KIAA1210: variants seen among roughly 807,000 people sequenced by gnomAD.
KIAA1210 encodes acrosomal protein KIAA1210.
A neutral mutation model predicts 78.9 loss-of-function variants in KIAA1210; 48 were observed. That is an observed-to-expected ratio of 0.61 (90% CI 0.48 to 0.77). The LOEUF is 0.77. Among genes scored for constraint, KIAA1210 ranks in the 30% least tolerant of loss-of-function variants. KIAA1210 has a pLI of 0.00. For missense variants in KIAA1210, 1,108 were observed against 1,100.0 expected (o/e 1.01, Z -0.10); for synonymous variants, 406 against 404.5 (o/e 1.00, Z -0.04).
intron 2 of KIAA1210, among the ~76,000 whole-genome samples, chrX:119,120,522 T>A (rs938349011): frequency 3.6e-5 from 4 of 112,095 alleles, no homozygotes; most frequent in Non-Finnish European, 7.5e-5. Flanking sequence ...TAATAATGAA[T>A]TCAACAAACA....
At chrX:119,119,868 C>T (rs1343471938) in intron 2 of KIAA1210, among the ~76,000 whole-genome samples, 2 of 106,986 alleles carry the variant, frequency 1.9e-5, no homozygotes, top group African/African-American at 6.9e-5. Context: ...CCCAGCTACT[C>T]GGGAGGCTGA....
intron 2 of KIAA1210, among the ~76,000 whole-genome samples, chrX:119,121,774 A>ATT (rs779380576): frequency 1.6e-4 from 17 of 105,361 alleles, no homozygotes; most frequent in Middle Eastern, 9.8e-3. Context: ...TTTATTTATT[A>ATT]TTTTTTTTTT....
At chrX:119,098,345 C>T (rs759306157) in intron 6 of KIAA1210, among the ~76,000 whole-genome samples, 1 of 112,014 alleles carries the variant, frequency 8.9e-6, no homozygotes. Flanking sequence ...GGGCTCACGC[C>T]TGTAATCTCA....
At position 119,079,586 on chromosome X, in the gene KIAA1210, GTTA is replaced by G. The variant is rs1926876519; in HGVS notation, c.*1740_*1742del. 8.9e-6 allele frequency: 1 copy of G among 111,994 alleles called. No individual in the cohort carries two copies. The highest frequency in any genetic ancestry group is 3.8e-4 in the South Asian group (1 of 2,653). The allele number at this position is 111,994 out of a possible 1,213,427, so 9.2% of individuals were successfully genotyped here. ...CTACATCTTCATCCTCAGCCGAGGA[GTTA>G]TTAATGGAGGCTGTGCTACAAAAGA... On this transcript the variant is annotated 3_prime_UTR_variant, in exon 12 of 12. Coordinates refer to ENST00000691062, the MANE Select transcript of KIAA1210 (RefSeq NM_001394962.1).
rs191657914 is a variant in KIAA1210, at chrX:119,104,135, T to G, written c.648+857A>C. Among the ~76,000 whole-genome samples the G allele has an allele frequency of 1.7e-3, 186 of 112,391 alleles. 1 individual carries two copies. Among genetic ancestry groups the G allele is most frequent in the Middle Eastern group, 0.014 (3 of 218 alleles). ...CTGTATTTTACTACAATAAAAAATG[T>G]TATCTAATTCAATCCTTCCACTAGT... is the stretch of plus-strand genomic sequence containing the variant. On this transcript the variant is annotated intron_variant, in intron 6 of 11. Coordinates refer to ENST00000691062, the MANE Select transcript of KIAA1210 (RefSeq NM_001394962.1).
chrX:119,129,564 C>T (rs185116987), upstream of KIAA1210, among the ~76,000 whole-genome samples: 1 of 111,276 alleles, frequency 9.0e-6, no homozygotes, highest in Non-Finnish European at 1.9e-5. Context: ...GCATGCTATA[C>T]GGGGCAGAGG....
At chrX:119,146,483 A>G (rs973372188) in intron 2 of KIAA1210, among the ~76,000 whole-genome samples, 8 of 112,485 alleles carry the variant, frequency 7.1e-5, no homozygotes, top group African/African-American at 2.3e-4. Flanking sequence ...GCTGCTAAAG[A>G]CCAAATGAAA....
intron 6 of KIAA1210, among the ~76,000 whole-genome samples, chrX:119,097,151 A>T (rs1286071233): frequency 1.8e-5 from 2 of 111,643 alleles, no homozygotes; most frequent in Non-Finnish European, 3.8e-5. Flanking sequence ...AGGTTGGAAG[A>T]GGGCCTGTCT....
At chrX:119,118,568 T>C (rs1297671128) in intron 2 of KIAA1210, among the ~76,000 whole-genome samples, 1 of 112,379 alleles carries the variant, frequency 8.9e-6, no homozygotes, top group Non-Finnish European at 1.9e-5. Context: ...TGAGAAATGC[T>C]GAACTAGAGT....
intron 1 of KIAA1210, among the ~76,000 whole-genome samples, chrX:119,149,907 C>T (rs752326570): frequency 9.0e-6 from 1 of 111,252 alleles, no homozygotes; most frequent in Non-Finnish European, 1.9e-5. Flanking sequence ...CTTCTTGGCC[C>T]CAGTCCCCCA....
intron 10 of KIAA1210, among the ~76,000 whole-genome samples, chrX:119,084,546 C>A (rs933195757): frequency 9.0e-6 from 1 of 110,543 alleles, no homozygotes; most frequent in African/African-American, 3.3e-5. Context: ...CCAGTGATTA[C>A]CTTTAGGTAT....
intron 10 of KIAA1210, among the ~76,000 whole-genome samples, chrX:119,084,023 AAAAAGCTTTAAT>A: frequency 9.5e-6 from 1 of 105,778 alleles, no homozygotes; most frequent in Admixed American, 1.0e-4. Flanking sequence ...AAAAAAAAAA[AAAAAGCTTTAAT>A]AAAGGTGGGC....
At chrX:119,150,394 G>A (rs373840807) in exon 1 of KIAA1210, 174 of 1,209,376 alleles carry the variant, frequency 1.4e-4, no homozygotes, top group Non-Finnish European at 1.9e-4. Flanking sequence ...GCTCCCCCTT[G>A]GTGCTTCCCT....
chrX:119,112,358 T>C (rs1350065049), intron 3 of KIAA1210, among the ~76,000 whole-genome samples: 1 of 111,712 alleles, frequency 9.0e-6, no homozygotes, highest in Non-Finnish European at 1.9e-5. Context: ...GCAAATTATA[T>C]ATCTGATAAG....
In KIAA1210 at chrX:119,092,490, A is replaced by G. The variant is rs761650489; in HGVS notation, c.955+1177T>C. On this transcript the variant is annotated intron_variant, in intron 8 of 11. Transcript: ENST00000691062. ...AAAATAAAGCTCAAAGGCTGGGTGC[A>G]GTGGCTCACGCCTGCAATCCCAGCA... is the stretch of plus-strand genomic sequence containing the variant. Among the ~76,000 whole-genome samples the G allele has an allele frequency of 6.9e-4, 77 of 112,276 alleles. No individual in the cohort carries two copies. The South Asian group carries it at 0.018, about 26-fold the overall frequency.
chrX:119,086,716 G>A lies in KIAA1210; in HGVS notation c.3986C>T (p.Ser1329Leu), dbSNP rs140657116. 3,381 of 1,209,476 alleles carry A rather than the reference G, an allele frequency of 2.8e-3. 60 individuals are homozygous for A. In the African/African-American group the frequency reaches 0.051, roughly 18 times the overall value. ...GCCTACAGAGGATGAAATTGGGCCC[G>A]AGGGCACTGAAGCAAGCTGGGTGAA... is the stretch of plus-strand genomic sequence containing the variant. Reference protein sequence around the residue: ...DNFTQLASVPSGPISSSVGRG... With the variant: ...DNFTQLASVPLGPISSSVGRG... Residue 1329 changes from serine (S) to leucine (L), a missense_variant, in exon 9 of 12, where the codon TCG becomes TTG. Around this residue, in one of 5 missense-constraint regions of KIAA1210, gnomAD observed 245 missense variants for 278.8 expected, o/e 0.88. Coordinates refer to ENST00000691062, the MANE Select transcript of KIAA1210 (RefSeq NM_001394962.1).
chrX:119,083,425 A>G (rs780266767), intron 10 of KIAA1210, among the ~76,000 whole-genome samples: 1 of 112,394 alleles, frequency 8.9e-6, no homozygotes, highest in Admixed American at 9.4e-5. Flanking sequence ...ATTTAACTTG[A>G]GAACAACCTT....
chrX:119,142,774 CAAAAA>C (rs11439597), intron 2 of KIAA1210, among the ~76,000 whole-genome samples: 3 of 38,801 alleles, frequency 7.7e-5, no homozygotes, highest in South Asian at 4.2e-3. Context: ...GACTCCATCT[CAAAAA>C]AAAAAAAAAA....
intron 2 of KIAA1210, among the ~76,000 whole-genome samples, chrX:119,137,326 G>A (rs904722932): frequency 2.7e-5 from 3 of 112,324 alleles, no homozygotes; most frequent in Non-Finnish European, 5.6e-5. Flanking sequence ...TGACTCCAGA[G>A]CCAATAAGTG....
Sources: gnomAD v4.1 joint callset for allele counts (sites outside exome capture counted in the v4.1 genomes callset) on GRCh38, gnomAD v4.1.1 for gene constraint, gnomAD v4.1.1 regional missense constraint, MANE v1.5 for transcripts, NCBI Gene and HGNC (gene_info 2026-07-23, HGNC 2026-07-21) for gene names.